The following LRP5 variants were observed in gnomAD, a reference collection of about 807,000 sequenced individuals.
LRP5 encodes LDL receptor related protein 5, also known as low-density lipoprotein receptor-related protein 5.
In LRP5, 62 loss-of-function variants were observed where a neutral mutation model predicts 154.1. The ratio of observed to expected loss-of-function variants is 0.40; its 90% CI spans 0.33 to 0.50. The LOEUF (loss-of-function observed/expected upper bound fraction) is 0.50. Ranked by LOEUF, LRP5 falls within the 20% of genes least tolerant of loss-of-function variation. The pLI, the probability that LRP5 is intolerant of heterozygous loss-of-function variation, is 0.55. For synonymous variants in LRP5, 966 were observed against 1,011.5 expected (o/e 0.96, Z 0.85); for missense variants, 1,915 against 2,336.7 (o/e 0.82, Z 3.72).
chr11:68,387,187 T>C (rs951695434), intron 6 of LRP5, among the ~76,000 whole-genome samples: 1 of 151,326 alleles, frequency 6.6e-6, no homozygotes, highest in African/African-American at 2.4e-5. Context: ...TGATCTCAGC[T>C]CACTACAACC....
At chr11:68,416,201 T>C (rs1332479759) in intron 12 of LRP5, 127 bp from the exon 13 acceptor site, 1 of 784,954 alleles carries the variant, frequency 1.3e-6, no homozygotes, top group East Asian at 2.5e-5. Flanking sequence ...GGTCCCCCCG[T>C]CTTTCCCGTG....
intron 1 of LRP5, among the ~76,000 whole-genome samples, chr11:68,343,812 G>A (rs996531120): frequency 2.0e-5 from 3 of 152,178 alleles, no homozygotes; most frequent in African/African-American, 7.2e-5. Flanking sequence ...CTGTGTGCCT[G>A]CAGACCCCCT....
In LRP5 at chr11:68,416,464, C is replaced by G. The variant is rs200117377; in HGVS notation, c.2964C>G (p.Asp988Glu). ...NVKAIDYDPL[D>E]KFIYWVDGRQ... is the part of the protein sequence containing the mutation. The stretch of plus-strand genomic sequence containing the variant: ...AAGCCATCGACTATGACCCACTGGA[C>G]AAGTTCATCTACTGGGTGGATGGGC... The change falls in exon 13 of 23, where the codon GAC becomes GAG. Residue 988 changes from aspartate (D) to glutamate (E), a missense_variant. Physicochemically the swap from Asp to Glu is conservative, Grantham distance 45 (BLOSUM62 2). Around this residue, in one of 3 missense-constraint regions of LRP5, gnomAD observed 1,094 missense variants for 1,210.1 expected, o/e 0.90. Coordinates refer to ENST00000294304, the MANE Select transcript of LRP5 (RefSeq NM_002335.4). The G allele has an allele frequency of 6.2e-7, 1 of 1,614,168 alleles. No individual in the cohort carries two copies. Among genetic ancestry groups the G allele is most frequent in the Admixed American group, 1.7e-5 (1 of 60,030 alleles).
intron 2 of LRP5, 70 bp downstream of exon 2, chr11:68,348,313 A>G: frequency 6.3e-7 from 1 of 1,584,380 alleles, no homozygotes; most frequent in Non-Finnish European, 8.6e-7. Context: ...TCGAATTTGC[A>G]TGAGCCCAAG....
chr11:68,332,574 C>T (rs558298286), intron 1 of LRP5, among the ~76,000 whole-genome samples: 1 of 152,180 alleles, frequency 6.6e-6, no homozygotes, highest in Non-Finnish European at 1.5e-5. Context: ...GAGGCCAGGT[C>T]ACATTCAGCC....
chr11:68,441,951 A>G (rs919384280), intron 21 of LRP5, among the ~76,000 whole-genome samples: 18 of 152,248 alleles, frequency 1.2e-4, no homozygotes, highest in African/African-American at 4.3e-4. Context: ...TACAAAATTC[A>G]AAAGATACAG....
At chr11:68,443,345 A>C (rs1400862512) in intron 21 of LRP5, among the ~76,000 whole-genome samples, 1 of 150,540 alleles carries the variant, frequency 6.6e-6, no homozygotes, top group Non-Finnish European at 1.5e-5. Context: ...TCTAGTAAAA[A>C]TTTAAAAATT....
chr11:68,400,105 G>A (rs926187964), intron 7 of LRP5, among the ~76,000 whole-genome samples: 18 of 152,102 alleles, frequency 1.2e-4, no homozygotes, highest in South Asian at 2.1e-4. Flanking sequence ...AGGCCCTGCC[G>A]GCCCAGAGCC....
intron 5 of LRP5, among the ~76,000 whole-genome samples, chr11:68,379,317 C>T (rs190357429): frequency 6.6e-6 from 1 of 152,280 alleles, no homozygotes; most frequent in East Asian, 1.9e-4. Context: ...TTGAGTTTTG[C>T]TGTTCTTGTG....
In LRP5 at chr11:68,406,801, C is replaced by T. The variant is rs770364888; in HGVS notation, c.2079C>T (p.Asp693=). The change falls in exon 9 of 23, where the codon GAC becomes GAT. Residue 693 remains aspartate, a synonymous_variant. Transcript: ENST00000294304. ...CCAACAACCACATCTACTGGACAGACGTCAGCCTGAAGGTAGCGTGGGCCA... is the reference window on the plus strand; with the variant it reads ...CCAACAACCACATCTACTGGACAGATGTCAGCCTGAAGGTAGCGTGGGCCA... ...DVSNNHIYWT[D]VSLKTISRAF... 10 of 1,613,896 alleles carry T rather than the reference C, an allele frequency of 6.2e-6. No homozygotes were observed. Among genetic ancestry groups the T allele is most frequent in the Admixed American group, 5.0e-5 (3 of 60,006 alleles).
At chr11:68,387,639 T>A (rs2098643777) in intron 6 of LRP5, among the ~76,000 whole-genome samples, 1 of 152,206 alleles carries the variant, frequency 6.6e-6, no homozygotes, top group African/African-American at 2.4e-5. Flanking sequence ...TAGGGGAGAC[T>A]TTCTGAGACC....
intron 1 of LRP5, among the ~76,000 whole-genome samples, chr11:68,346,499 G>A (rs1347335823): frequency 1.3e-5 from 2 of 152,228 alleles, no homozygotes; most frequent in African/African-American, 4.8e-5. Context: ...CCCTCATAGA[G>A]GCTGCAAATC....
At chr11:68,446,299 A>C in intron 21 of LRP5, 137 bp from the exon 22 acceptor site, 2 of 705,652 alleles carry the variant, frequency 2.8e-6, no homozygotes. Flanking sequence ...GGTTTTGCCA[A>C]CTGGCCAGAG....
chr11:68,378,087 T>A (rs1310974564), intron 5 of LRP5, among the ~76,000 whole-genome samples: 1 of 152,174 alleles, frequency 6.6e-6, no homozygotes, highest in African/African-American at 2.4e-5. Flanking sequence ...GCCGGGGCCC[T>A]GCGGCTGGGT....
intron 7 of LRP5, among the ~76,000 whole-genome samples, chr11:68,391,212 A>G (rs569677357): frequency 9.9e-5 from 15 of 152,206 alleles, no homozygotes; most frequent in Admixed American, 7.9e-4. Flanking sequence ...CACATGATCC[A>G]CCTGCCTCGG....
intron 17 of LRP5, among the ~76,000 whole-genome samples, chr11:68,431,170 G>A (rs116836491): frequency 0.014 from 2,159 of 151,326 alleles, 52 homozygotes; most frequent in African/African-American, 0.049. Flanking sequence ...CCTTTCTCCC[G>A]TGGGAGTTCC....
chr11:68,357,647 C>T lies in LRP5; in HGVS notation c.489-3C>T. ...TGCTTCTCTTGCCCTGCCCCCGTCA[C>T]AGGTACATGTACTGGACAGACTGGG... On this transcript the variant is annotated splice_polypyrimidine_tract_variant and splice_region_variant and intron_variant, in intron 2 of 22. Transcript: ENST00000294304. The T allele has an allele frequency of 6.2e-7, 1 of 1,613,770 alleles. No individual in the cohort carries two copies. Among genetic ancestry groups the T allele is most frequent in the Non-Finnish European group, 8.5e-7 (1 of 1,179,854 alleles).
rs1395203804 is a variant in LRP5, at chr11:68,363,845, C to T, written c.785C>T (p.Ala262Val). The T allele has an allele frequency of 1.8e-5, 29 of 1,612,982 alleles. No homozygotes were observed. Among genetic ancestry groups the T allele is most frequent in the Admixed American group, 3.3e-5 (2 of 59,946 alleles). ...GACTGGCAGACCCGCTCCATCCATGCCTGCAACAAGCGCACTGGGGGGAAG... is the reference window on the plus strand; with the variant it reads ...GACTGGCAGACCCGCTCCATCCATGTCTGCAACAAGCGCACTGGGGGGAAG... ...WTDWQTRSIHACNKRTGGKRK... is the reference protein window; with the variant it reads ...WTDWQTRSIHVCNKRTGGKRK... The change falls in exon 4 of 23, where the codon GCC (alanine) becomes GTC (valine). Residue 262 changes from alanine (A) to valine (V), a missense_variant. By Grantham distance (64) the Ala-to-Val change is moderately conservative. Coordinates refer to ENST00000294304, the MANE Select transcript of LRP5 (RefSeq NM_002335.4).
intron 1 of LRP5, among the ~76,000 whole-genome samples, chr11:68,345,461 T>C (rs143619044): frequency 9.8e-4 from 148 of 151,384 alleles, no homozygotes; most frequent in African/African-American, 3.2e-3. Context: ...CTAATTTTTG[T>C]ATTTTAGTAG....
Sources: gnomAD v4.1 joint callset for allele counts (sites outside exome capture counted in the v4.1 genomes callset) on GRCh38, gnomAD v4.1.1 for gene constraint, gnomAD v4.1.1 regional missense constraint, MANE v1.5 for transcripts, NCBI Gene and HGNC (gene_info 2026-07-23, HGNC 2026-07-21) for gene names.